Variants in METTL16 observed in about 807,000 individuals in gnomAD.
METTL16 encodes the protein RNA N(6)-adenosine-methyltransferase METTL16.
Under a neutral mutation model 57.9 loss-of-function variants are expected in METTL16, and 19 were observed. That is an observed-to-expected ratio of 0.33 (90% CI 0.23 to 0.48). The LOEUF (loss-of-function observed/expected upper bound fraction) is 0.48. Among genes scored for constraint, METTL16 ranks in the 20% least tolerant of loss-of-function variants. The probability of loss-of-function intolerance (pLI) is 0.99; values close to 1 mark genes in which losing one functional copy is unlikely to be tolerated. For missense variants in METTL16, 434 were observed against 691.5 expected, an observed-to-expected ratio of 0.63 and a Z score of 4.18; for synonymous variants, 246 against 255.6, an observed-to-expected ratio of 0.96 and a Z score of 0.36.
chr17:2,447,305 G>C (rs1382707398), intron 6 of METTL16, among the ~76,000 whole-genome samples: 1 of 143,834 alleles, frequency 7.0e-6, no homozygotes, highest in South Asian at 2.2e-4. Context: ...GTCTCTGCCC[G>C]GCCGCCCCGT....
Position 2,417,437 on chromosome 17 carries a change from A to T in METTL16, c.*2533T>A, listed in dbSNP as rs2066728578. On this transcript the variant is annotated 3_prime_UTR_variant, in exon 10 of 10. Transcript: ENST00000263092. ...AATCTCCTCCATGACATGAAGCCTT[A>T]AACCTAGGGACAGAAACACACTGAG... 1 of 152,164 alleles carries T rather than the reference A, an allele frequency of 6.6e-6. No individual in the cohort carries two copies. The highest frequency in any genetic ancestry group is 1.5e-5 in the Non-Finnish European group (1 of 68,042). The allele number at this position is 152,164 out of a possible 1,614,324, so 9.4% of individuals were successfully genotyped here.
intron 8 of METTL16, 77 bp downstream of exon 8, chr17:2,438,032 C>T: frequency 9.7e-7 from 1 of 1,033,622 alleles, no homozygotes; most frequent in South Asian, 1.3e-5. Flanking sequence ...AGGACACTAC[C>T]AATTCAGTTC....
At chr17:2,440,082 C>T (rs982231185) in intron 7 of METTL16, among the ~76,000 whole-genome samples, 1 of 152,084 alleles carries the variant, frequency 6.6e-6, no homozygotes, top group African/African-American at 2.4e-5. Flanking sequence ...CACAGAGAGA[C>T]CTTGTTTCTA....
chr17:2,457,863 T>A (rs2067122750), intron 6 of METTL16, among the ~76,000 whole-genome samples: 1 of 152,092 alleles, frequency 6.6e-6, no homozygotes, highest in Non-Finnish European at 1.5e-5. Flanking sequence ...AACCAAAGAA[T>A]CACATTCAAA....
At chr17:2,509,777 G>C (rs1051937485) in intron 1 of METTL16, among the ~76,000 whole-genome samples, 1 of 152,126 alleles carries the variant, frequency 6.6e-6, no homozygotes, top group African/African-American at 2.4e-5. Flanking sequence ...GCTGGGTGTG[G>C]TGGCATGTGC....
chr17:2,484,640 A>G (rs1336863058), intron 2 of METTL16, among the ~76,000 whole-genome samples: 1 of 152,098 alleles, frequency 6.6e-6, no homozygotes, highest in Non-Finnish European at 1.5e-5. Context: ...GACTACAGAC[A>G]TGTACCACCA....
At chr17:2,456,203 C>T (rs2067108966) in intron 6 of METTL16, among the ~76,000 whole-genome samples, 1 of 152,016 alleles carries the variant, frequency 6.6e-6, no homozygotes, top group Non-Finnish European at 1.5e-5. Context: ...GTCCCCAGTA[C>T]TTCTCTATCT....
intron 8 of METTL16, among the ~76,000 whole-genome samples, chr17:2,428,381 T>C (rs932112638): frequency 1.2e-4 from 18 of 151,400 alleles, no homozygotes; most frequent in Non-Finnish European, 2.7e-4. Context: ...AAATTCTCCA[T>C]GGCCAAAGGC....
intron 8 of METTL16, among the ~76,000 whole-genome samples, chr17:2,435,303 T>C (rs1054029919): frequency 5.3e-5 from 8 of 150,902 alleles, no homozygotes; most frequent in Non-Finnish European, 8.9e-5. Context: ...ATGGCGGGAG[T>C]GGGGGTGGGG....
At chr17:2,492,189 C>G (rs145763486) in intron 2 of METTL16, among the ~76,000 whole-genome samples, 8 of 151,928 alleles carry the variant, frequency 5.3e-5, no homozygotes, top group Non-Finnish European at 1.2e-4. Context: ...CCAGCCTGGG[C>G]GACAGAGCAA....
At position 2,454,617 on chromosome 17, in the gene METTL16, T is replaced by C. The variant is rs191633825; in HGVS notation, c.728+9591A>G. ...TCTTGCTCAGCCGCCCAGGGTGGAG[T>C]GCAGTGGCATGATCTCAGCTCACTG... On this transcript the variant is annotated intron_variant, in intron 6 of 9. Coordinates refer to ENST00000263092, the MANE Select transcript of METTL16 (RefSeq NM_024086.4). Among the ~76,000 whole-genome samples the C allele has an allele frequency of 2.0e-5, 3 of 147,296 alleles. No individual in the cohort carries two copies. In the Admixed American group the frequency reaches 2.1e-4, roughly 10 times the overall value.
In METTL16 at chr17:2,418,218, ACACAC is replaced by A. The variant is rs756573218; in HGVS notation, c.*1747_*1751del. ...AAAATACACACACACACACACACAC[ACACAC>A]ATGCTCACAGAGCTTTTAGAAGTAA... On this transcript the variant is annotated 3_prime_UTR_variant, in exon 10 of 10. Transcript: ENST00000263092. 6.6e-6 allele frequency: 1 copy of A among 152,136 alleles called. No individual in the cohort carries two copies. Among genetic ancestry groups the A allele is most frequent in the Non-Finnish European group, 1.5e-5 (1 of 68,064 alleles). 9.4% of individuals were successfully genotyped at this position (152,136 alleles called of 1,614,324 possible).
intron 8 of METTL16, among the ~76,000 whole-genome samples, chr17:2,434,141 C>T (rs2066893980): frequency 6.6e-6 from 1 of 152,310 alleles, no homozygotes; most frequent in East Asian, 1.9e-4. Context: ...CAGCCCCTGT[C>T]CATCTTGTAG....
intron 2 of METTL16, among the ~76,000 whole-genome samples, chr17:2,489,246 G>A (rs4790340): frequency 0.13 from 19,317 of 151,926 alleles, 1,334 homozygotes; most frequent in South Asian, 0.21. Context: ...CTTGAAGCCA[G>A]GCCTTCAGGC....
chr17:2,450,657 T>C (rs537375440), intron 6 of METTL16, among the ~76,000 whole-genome samples: 2 of 152,326 alleles, frequency 1.3e-5, no homozygotes, highest in East Asian at 3.9e-4. Flanking sequence ...ACGTTTTACA[T>C]GTTTCCTTCT....
chr17:2,483,006 A>C (rs2067317680), intron 2 of METTL16, among the ~76,000 whole-genome samples: 1 of 151,282 alleles, frequency 6.6e-6, no homozygotes. Context: ...GTAGGTGAAA[A>C]TCAGATCATA....
chr17:2,443,866 T>C (rs1189466369), intron 6 of METTL16, among the ~76,000 whole-genome samples: 1 of 152,154 alleles, frequency 6.6e-6, no homozygotes, highest in Non-Finnish European at 1.5e-5. Context: ...ATAAAAATCC[T>C]TAACAAGGGA....
chr17:2,434,378 C>A (rs1287020225), intron 8 of METTL16, among the ~76,000 whole-genome samples: 1 of 152,092 alleles, frequency 6.6e-6, no homozygotes, highest in Non-Finnish European at 1.5e-5. Flanking sequence ...CCACGCCCAG[C>A]TAACTTTTGT....
At chr17:2,457,284 G>A (rs1243145588) in intron 6 of METTL16, among the ~76,000 whole-genome samples, 2 of 143,454 alleles carry the variant, frequency 1.4e-5, no homozygotes, top group East Asian at 4.2e-4. Context: ...GTTGCAGTGA[G>A]CCGAGATCGC....
Sources: allele counts gnomAD v4.1 joint callset (sites outside exome capture counted in the v4.1 genomes callset), GRCh38; gene constraint gnomAD v4.1.1; transcripts MANE v1.5; gene names NCBI Gene and HGNC (gene_info 2026-07-23, HGNC 2026-07-21).